The following SP4 variants were observed in gnomAD, a reference collection of about 807,000 sequenced individuals.
The protein encoded by SP4 is Sp4 transcription factor, also known as transcription factor Sp4.
SP4 carries 19 observed loss-of-function variants against 72.8 expected under a neutral mutation model. That is an observed-to-expected ratio of 0.26 (90% CI 0.18 to 0.38). The LOEUF (loss-of-function observed/expected upper bound fraction) is 0.38, where lower values mean the gene tolerates loss of function less well. Ranked by LOEUF, SP4 falls within the 10% of genes least tolerant of loss-of-function variation. The probability of loss-of-function intolerance (pLI) is 1.00; values close to 1 mark genes in which losing one functional copy is unlikely to be tolerated. For synonymous variants in SP4, 395 were observed against 333.1 expected (o/e 1.19, Z -2.02); for missense variants, 1,008 against 926.3 (o/e 1.09, Z -1.14).
rs1049470941 is a variant in SP4 at position 21,512,948 on chromosome 7, G to A, written c.*1679G>A. On this transcript the variant is annotated 3_prime_UTR_variant, in exon 6 of 6. Coordinates refer to ENST00000222584, the MANE Select transcript of SP4 (RefSeq NM_003112.5). ...AACCAGTAACTTAAATATTAATAAGGATATTTTATGTTTTAAAAAAGTATT... is the reference window on the plus strand; with the variant it reads ...AACCAGTAACTTAAATATTAATAAGAATATTTTATGTTTTAAAAAAGTATT... 6 of 152,536 alleles carry A rather than the reference G, an allele frequency of 3.9e-5. No homozygotes were observed. The highest frequency in any genetic ancestry group is 1.2e-4 in the African/African-American group (5 of 41,408). 9.4% of individuals were successfully genotyped at this position (152,536 alleles called of 1,614,324 possible).
chr7:21,434,556 A>G (rs1265464001), intron 3 of SP4, among the ~76,000 whole-genome samples: 1 of 152,152 alleles, frequency 6.6e-6, no homozygotes, highest in East Asian at 1.9e-4. Context: ...TGCTCTGCAT[A>G]CTTTTTGTTT....
At chr7:21,446,031 C>T (rs1172741665) in intron 3 of SP4, among the ~76,000 whole-genome samples, 4 of 129,018 alleles carry the variant, frequency 3.1e-5, no homozygotes, top group East Asian at 2.2e-4. Context: ...TGTGTGTGTG[C>T]ACGCATATGT....
chr7:21,476,777 G>C (rs926255066), intron 3 of SP4, among the ~76,000 whole-genome samples: 4 of 152,164 alleles, frequency 2.6e-5, no homozygotes, highest in African/African-American at 9.7e-5. Context: ...TAGTATTTTA[G>C]TGAGTAGGTA....
At chr7:21,443,091 A>G (rs114031694) in intron 3 of SP4, among the ~76,000 whole-genome samples, 90 of 152,380 alleles carry the variant, frequency 5.9e-4, no homozygotes, top group African/African-American at 2.1e-3. Context: ...GAGTGTTCAT[A>G]TAAAAGTTGA....
At position 21,514,129 on chromosome 7, in the gene SP4, A is replaced by G. The variant is rs1782210523; in HGVS notation, c.*2860A>G. ...TGTTAGAATAGTTTTTTCTTACAGT[A>G]TACTTTCTTTGGTTAGGTTTGTGTA... On this transcript the variant is annotated 3_prime_UTR_variant, in exon 6 of 6. Coordinates refer to ENST00000222584, the MANE Select transcript of SP4 (RefSeq NM_003112.5). The G allele has an allele frequency of 6.6e-6, 1 of 152,630 alleles. No individual in the cohort carries two copies. Among genetic ancestry groups the G allele is most frequent in the Non-Finnish European group, 1.5e-5 (1 of 68,026 alleles). The allele number at this position is 152,630 out of a possible 1,614,324, so 9.5% of individuals were successfully genotyped here. A position where few individuals can be genotyped will look rare whatever the true frequency, so the allele number is the denominator to read the frequency against.
intron 3 of SP4, among the ~76,000 whole-genome samples, chr7:21,468,234 C>G (rs1168128456): frequency 1.3e-5 from 2 of 152,104 alleles, no homozygotes; most frequent in Non-Finnish European, 2.9e-5. Flanking sequence ...CTTTATTCTA[C>G]TATTCTGCTT....
Position 21,512,045 on chromosome 7 carries a change from G to A in SP4, c.*776G>A, listed in dbSNP as rs1275205845. On this transcript the variant is annotated 3_prime_UTR_variant, in exon 6 of 6. Coordinates refer to ENST00000222584, the MANE Select transcript of SP4 (RefSeq NM_003112.5). ...TCATAGCTTCAGAAAAATAAAATGA[G>A]GCATCTTAACATGCAATGTTCTAAA... 6.6e-6 allele frequency: 1 copy of A among 152,370 alleles called. No individual in the cohort carries two copies. Among genetic ancestry groups the A allele is most frequent in the Non-Finnish European group, 1.5e-5 (1 of 67,988 alleles). 9.4% of individuals were successfully genotyped at this position (152,370 alleles called of 1,614,324 possible).
chr7:21,460,310 T>C (rs151011184), intron 3 of SP4, among the ~76,000 whole-genome samples: 48 of 152,244 alleles, frequency 3.2e-4, no homozygotes, highest in Admixed American at 5.9e-4. Flanking sequence ...TTTATGGTCT[T>C]ACTGGCTCAG....
intron 3 of SP4, among the ~76,000 whole-genome samples, chr7:21,457,185 AC>A (rs1323975597): frequency 6.6e-6 from 1 of 152,194 alleles, no homozygotes; most frequent in Non-Finnish European, 1.5e-5. Flanking sequence ...TTATAATATA[AC>A]CTTTTATCAT....
rs1782129476 is a variant in SP4 at position 21,511,094 on chromosome 7, A to G, written c.2180A>G (p.Lys727Arg). The change falls in exon 6 of 6, where the codon AAA (lysine) becomes AGA (arginine). Residue 727 changes from lysine (K) to arginine (R), a missense_variant. Transcript: ENST00000222584. ...AGTGATCATCTCTCCAAACATGTCA[A>G]AACGCACCAGAATAAAAAAGGTGGT... ...MRSDHLSKHV[K>R]THQNKKGGGT... 6.2e-7 allele frequency: 1 copy of G among 1,614,168 alleles called. No homozygotes were observed. The highest frequency in any genetic ancestry group is 1.1e-5 in the South Asian group (1 of 91,080).
intron 5 of SP4, among the ~76,000 whole-genome samples, chr7:21,502,980 C>A (rs1238648134): frequency 6.6e-6 from 1 of 152,034 alleles, no homozygotes; most frequent in African/African-American, 2.4e-5. Context: ...CTTTTCCCCT[C>A]CTTTCCAGGG....
At chr7:21,478,198 C>T (rs889931098) in intron 4 of SP4, among the ~76,000 whole-genome samples, 2 of 152,110 alleles carry the variant, frequency 1.3e-5, no homozygotes, top group African/African-American at 4.8e-5. Context: ...ATCAATACTT[C>T]ATTCCTTTTT....
At position 21,430,221 on chromosome 7, in the gene SP4, CAGT is replaced by C. The variant is rs771816546; in HGVS notation, c.1060_1062del (p.Ser355del). ...CTGGCCAGTATGCAAGCACATCAGC[CAGT>C]AGTTCTGAACGCACCATTGAAGAAT... is the stretch of plus-strand genomic sequence containing the variant. On this transcript the variant is annotated inframe_deletion, in exon 3 of 6. Coordinates refer to ENST00000222584, the MANE Select transcript of SP4 (RefSeq NM_003112.5). 1.3e-5 allele frequency: 21 copies of C among 1,614,170 alleles called. No homozygotes were observed. The highest frequency in any genetic ancestry group is 1.6e-5 in the Non-Finnish European group (19 of 1,180,022).
intron 3 of SP4, among the ~76,000 whole-genome samples, chr7:21,469,563 A>T (rs546177023): frequency 8.0e-4 from 113 of 140,878 alleles, no homozygotes; most frequent in African/African-American, 2.8e-3. Flanking sequence ...TTTTTTTGAG[A>T]CGGAGTCTTG....
intron 3 of SP4, among the ~76,000 whole-genome samples, chr7:21,458,624 T>G (rs558490938): frequency 1.7e-4 from 26 of 152,124 alleles, no homozygotes; most frequent in Non-Finnish European, 3.1e-4. Context: ...CCAAGAAAAT[T>G]AATATAATAA....
At chr7:21,487,608 G>T (rs1267399997) in intron 5 of SP4, among the ~76,000 whole-genome samples, 1 of 151,916 alleles carries the variant, frequency 6.6e-6, no homozygotes, top group Non-Finnish European at 1.5e-5. Flanking sequence ...ATGGATGCAG[G>T]TGCTTGCTGA....
At chr7:21,471,316 A>AC (rs1200264420) in intron 3 of SP4, among the ~76,000 whole-genome samples, 2 of 152,204 alleles carry the variant, frequency 1.3e-5, no homozygotes, top group Non-Finnish European at 2.9e-5. Context: ...AAGGGCTTGC[A>AC]CTAGTGTACA....
chr7:21,505,863 G>A (rs1292820054), intron 5 of SP4, among the ~76,000 whole-genome samples: 1 of 152,142 alleles, frequency 6.6e-6, no homozygotes, highest in Non-Finnish European at 1.5e-5. Flanking sequence ...TCTCCCTTCA[G>A]TGGAAATGGG....
At chr7:21,501,124 A>T (rs1781852250) in intron 5 of SP4, among the ~76,000 whole-genome samples, 1 of 152,066 alleles carries the variant, frequency 6.6e-6, no homozygotes, top group Admixed American at 6.5e-5. Flanking sequence ...TATCCCCCTA[A>T]TAAGGGTGTA....
Sources: allele counts gnomAD v4.1 joint callset (sites outside exome capture counted in the v4.1 genomes callset), GRCh38; gene constraint gnomAD v4.1.1; transcripts MANE v1.5; gene names NCBI Gene and HGNC (gene_info 2026-07-23, HGNC 2026-07-21).